The following COBL variants were observed in gnomAD, a reference collection of about 807,000 sequenced individuals.
COBL encodes the protein protein cordon-bleu.
In COBL, 51 loss-of-function variants were observed where a neutral mutation model predicts 98.8. That is an observed-to-expected ratio of 0.52 (90% CI 0.41 to 0.65). The LOEUF is 0.65. Ranked by LOEUF, COBL falls within the 30% of genes least tolerant of loss-of-function variation. The pLI is 0.00. For missense variants in COBL, 1,617 were observed against 1,617.5 expected, an observed-to-expected ratio of 1.00 and a Z score of 0.01; for synonymous variants, 634 against 651.7, an observed-to-expected ratio of 0.97 and a Z score of 0.41.
At chr7:51,313,020 TCAAG>T (rs1193637499) in intron 1 of COBL, among the ~76,000 whole-genome samples, 1 of 152,228 alleles carries the variant, frequency 6.6e-6, no homozygotes, top group Non-Finnish European at 1.5e-5. Flanking sequence ...CCACATTACA[TCAAG>T]CAATTCTTAA....
At chr7:51,127,705 C>T (rs909128294) in intron 6 of COBL, among the ~76,000 whole-genome samples, 1 of 152,150 alleles carries the variant, frequency 6.6e-6, no homozygotes, top group Non-Finnish European at 1.5e-5. Flanking sequence ...GGAAACCTCC[C>T]TCTGGCCTGA....
chr7:51,238,652 C>CCA (rs3047618), intron 1 of COBL, among the ~76,000 whole-genome samples: 103,187 of 151,802 alleles, frequency 0.68, 35,528 homozygotes, highest in African/African-American at 0.78. Context: ...TACACACTAG[C>CCA]CAGTCTTTTT....
intron 1 of COBL, among the ~76,000 whole-genome samples, chr7:51,299,704 G>A (rs1801741061): frequency 6.6e-6 from 1 of 152,202 alleles, no homozygotes; most frequent in Admixed American, 6.5e-5. Flanking sequence ...TCCTGAGCAA[G>A]CTGCTCAACC....
chr7:51,040,284 A>G (rs1397449979), intron 8 of COBL, among the ~76,000 whole-genome samples: 1 of 151,852 alleles, frequency 6.6e-6, no homozygotes, highest in Admixed American at 6.6e-5. Flanking sequence ...ACACACACAC[A>G]CAAAACTATA....
chr7:51,299,528 CACT>C (rs1801725668), intron 1 of COBL, among the ~76,000 whole-genome samples: 1 of 152,184 alleles, frequency 6.6e-6, no homozygotes, highest in African/African-American at 2.4e-5. Flanking sequence ...AGCATGCTGG[CACT>C]CCTCAAACCC....
intron 7 of COBL, among the ~76,000 whole-genome samples, chr7:51,084,376 G>A (rs905334330): frequency 5.9e-5 from 9 of 152,222 alleles, no homozygotes; most frequent in African/African-American, 2.2e-4. Flanking sequence ...ACTGACACAC[G>A]CCATTCTTGG....
chr7:51,268,997 G>C (rs576618262), intron 1 of COBL, among the ~76,000 whole-genome samples: 4 of 151,646 alleles, frequency 2.6e-5, no homozygotes, highest in South Asian at 4.2e-4. Context: ...GAGCAGTTGT[G>C]CCAGCCCTTC....
chr7:51,180,568 A>G (rs1341670708), intron 5 of COBL, among the ~76,000 whole-genome samples: 1 of 152,244 alleles, frequency 6.6e-6, no homozygotes, highest in South Asian at 2.1e-4. Context: ...GCAAATAATC[A>G]TGCCAAGTAT....
At chr7:51,135,021 G>A (rs1376815414) in intron 6 of COBL, among the ~76,000 whole-genome samples, 1 of 151,892 alleles carries the variant, frequency 6.6e-6, no homozygotes, top group Non-Finnish European at 1.5e-5. Context: ...AGAGTGCAGT[G>A]GCGTGATCTT....
chr7:51,094,995 T>C (rs1795144943), intron 6 of COBL, among the ~76,000 whole-genome samples: 1 of 152,168 alleles, frequency 6.6e-6, no homozygotes, highest in African/African-American at 2.4e-5. Context: ...AGAAAATACC[T>C]ACAAAAGATG....
intron 2 of COBL, among the ~76,000 whole-genome samples, chr7:51,218,511 T>C (rs1460127827): frequency 6.6e-6 from 1 of 152,216 alleles, no homozygotes; most frequent in African/African-American, 2.4e-5. Flanking sequence ...GTTTCACTCG[T>C]TGCCCAGGCT....
chr7:51,027,582 C>A, intron 10 of COBL, 130 bp downstream of exon 10: 3 of 760,990 alleles, frequency 3.9e-6, no homozygotes, highest in Non-Finnish European at 6.4e-6. Context: ...TAAAATGAAA[C>A]CTGTGTGGTA....
At chr7:51,303,111 C>T (rs1355099319) in intron 1 of COBL, among the ~76,000 whole-genome samples, 7 of 152,296 alleles carry the variant, frequency 4.6e-5, no homozygotes, top group Middle Eastern at 3.4e-3. Context: ...AATGTTTCCC[C>T]GAGCCTCATG....
chr7:51,149,823 C>A (rs532292435), intron 5 of COBL, among the ~76,000 whole-genome samples: 1 of 152,136 alleles, frequency 6.6e-6, no homozygotes, highest in African/African-American at 2.4e-5. Flanking sequence ...TAAATAGCAC[C>A]TTTGTTGGCC....
rs1446395248 is a variant in COBL, at chr7:51,026,554, G to T, written c.3496C>A (p.Leu1166Met). The change falls in exon 11 of 13, where the codon CTG (leucine) becomes ATG (methionine). Residue 1166 changes from leucine (L) to methionine (M), a missense_variant. By Grantham distance (15) the Leu-to-Met change is conservative. Around this residue, in one of 3 missense-constraint regions of COBL, gnomAD observed 1,304 missense variants for 1,282.0 expected, o/e 1.02. Coordinates refer to ENST00000265136, the MANE Select transcript of COBL (RefSeq NM_015198.5). ...GGCCCTTCACCTCTTACCTTCCTCA[G>T]GCTGCAGGTGCCGCTGTGCCCGCGG... ...AIRGHSGTCS[L>M]RKVASSASEE... 1.9e-6 allele frequency: 3 copies of T among 1,614,022 alleles called. No homozygotes were observed.
chr7:51,263,559 T>C (rs996556769), intron 1 of COBL, among the ~76,000 whole-genome samples: 2 of 151,486 alleles, frequency 1.3e-5, no homozygotes, highest in East Asian at 3.9e-4. Context: ...TTTCACACAG[T>C]GGGTGGAGGT....
At chr7:51,259,674 G>A (rs1797543520) in intron 1 of COBL, 4 of 736,752 alleles carry the variant, frequency 5.4e-6, no homozygotes, top group Admixed American at 1.7e-5. Context: ...TCTGTCTGAG[G>A]GATGGTCTTA....
At position 51,028,923 on chromosome 7, in the gene COBL, A is replaced by ACACATCTCTGTCGTAACAT; in HGVS notation, c.2154_2172dup (p.Ser725MetfsTer14). On this transcript the variant is annotated frameshift_variant, in exon 10 of 13. Transcript: ENST00000265136. LOFTEE classifies it high-confidence loss of function. ...ATCTTAATGGCTCCGGTGGAGAGGG[A>ACACATCTCTGTCGTAACAT]CACATCTCTGTCGTAACATCGCATC... is the stretch of plus-strand genomic sequence containing the variant. 1 of 1,614,156 alleles carries ACACATCTCTGTCGTAACAT rather than the reference A, an allele frequency of 6.2e-7. No homozygotes were observed. Among genetic ancestry groups the ACACATCTCTGTCGTAACAT allele is most frequent in the Non-Finnish European group, 8.5e-7 (1 of 1,180,040 alleles).
chr7:51,091,708 A>C (rs1481695008), intron 6 of COBL, among the ~76,000 whole-genome samples: 2 of 152,216 alleles, frequency 1.3e-5, no homozygotes, highest in African/African-American at 4.8e-5. Flanking sequence ...CCCAAAGAGG[A>C]CCATACCACA....
Sources: allele counts gnomAD v4.1 joint callset (sites outside exome capture counted in the v4.1 genomes callset), GRCh38; gene constraint gnomAD v4.1.1; regional missense constraint gnomAD v4.1.1; transcripts MANE v1.5; gene names NCBI Gene and HGNC (gene_info 2026-07-23, HGNC 2026-07-21).